The following NOTCH1 variants were observed in gnomAD, a reference collection of about 807,000 sequenced individuals.
NOTCH1 encodes neurogenic locus notch homolog protein 1.
Under a neutral mutation model 254.8 loss-of-function variants are expected in NOTCH1, and 37 were observed. The observed-to-expected ratio is 0.15, with a 90% CI of 0.11 to 0.19. NOTCH1 has a LOEUF of 0.19. Ranked by LOEUF, NOTCH1 falls within the 10% of genes least tolerant of loss-of-function variation. The probability of loss-of-function intolerance (pLI) is 1.00; values close to 1 mark genes in which losing one functional copy is unlikely to be tolerated. For missense variants in NOTCH1, 2,972 were observed against 3,708.6 expected, an observed-to-expected ratio of 0.80 and a Z score of 5.16; for synonymous variants, 1,731 against 1,618.1, an observed-to-expected ratio of 1.07 and a Z score of -1.68.
At chr9:136,507,920 C>A in intron 21 of NOTCH1, 35 bp downstream of exon 21, 1 of 1,606,548 alleles carries the variant, frequency 6.2e-7, no homozygotes, top group East Asian at 2.2e-5. Flanking sequence ...AACACTCGTG[C>A]CGGCCACAAC....
In NOTCH1 at chr9:136,502,096, G is replaced by T. The variant is rs758203250; in HGVS notation, c.5385-8C>A. Reference sequence around the variant, plus strand: ...GAAGCGTTCTTCAGGGGCCTGGGGGGTGAGGGGTCGAGAAGTGAGGCTGAG... The same window carrying T: ...GAAGCGTTCTTCAGGGGCCTGGGGGTTGAGGGGTCGAGAAGTGAGGCTGAG... On this transcript the variant is annotated splice_region_variant and splice_polypyrimidine_tract_variant and intron_variant, in intron 28 of 33. Coordinates refer to ENST00000651671, the MANE Select transcript of NOTCH1 (RefSeq NM_017617.5). 6.2e-7 allele frequency: 1 copy of T among 1,612,886 alleles called. No individual in the cohort carries two copies. The highest frequency in any genetic ancestry group is 1.3e-5 in the African/African-American group (1 of 75,036).
chr9:136,516,240 G>A (rs1843270605), intron 9 of NOTCH1, 146 bp from the exon 10 acceptor site: 1 of 656,904 alleles, frequency 1.5e-6, no homozygotes, highest in Non-Finnish European at 2.8e-6. Flanking sequence ...AGCTCTCCCT[G>A]CCTCCCGCTG....
Position 136,545,633 on chromosome 9 carries a change from G to A in NOTCH1, c.61+93C>T. The A allele has an allele frequency of 1.8e-6, 2 of 1,081,184 alleles. No homozygotes were observed. Among genetic ancestry groups the A allele is most frequent in the Non-Finnish European group, 2.5e-6 (2 of 790,548 alleles). The allele number at this position is 1,081,184 out of a possible 1,614,324, so 67.0% of individuals were successfully genotyped here. A position where few individuals can be genotyped will look rare whatever the true frequency, so the allele number is the denominator to read the frequency against. On this transcript the variant is annotated intron_variant, in intron 1 of 33. Coordinates refer to ENST00000651671, the MANE Select transcript of NOTCH1 (RefSeq NM_017617.5). This position sits in a 1 kb window ranked among gnomAD's most constrained non-coding sequence, Gnocchi z 6.8. ...CCCTCTCCATGCTGGCCTCCCCGCC[G>A]CCCGCTCCCAGCCGTGGGGCGCGCG... is the stretch of plus-strand genomic sequence containing the variant.
intron 11 of NOTCH1, 32 bp downstream of exon 11, chr9:136,515,451 G>GT (rs1564197501): frequency 1.2e-6 from 2 of 1,611,210 alleles, no homozygotes; most frequent in South Asian, 2.2e-5. Flanking sequence ...CTGCCCACTG[G>GT]CCCCCCGCCG....
rs775352769 is a variant in NOTCH1 at position 136,513,012 on chromosome 9, A to AC, written c.2467+8dup. On this transcript the variant is annotated intron_variant, in intron 15 of 33. Coordinates refer to ENST00000651671, the MANE Select transcript of NOTCH1 (RefSeq NM_017617.5). The surrounding 1 kb of genome is among the most constrained non-coding windows in gnomAD (Gnocchi z 4.7). The stretch of plus-strand genomic sequence containing the variant: ...GCCCCCTCCAGCACAGGCCCCACCC[A>AC]CCCCTCACCTGTGTAGGGCAGCAGG... 2.4e-6 allele frequency: 1 copy of AC among 422,836 alleles called. No homozygotes were observed. Among genetic ancestry groups the AC allele is most frequent in the Non-Finnish European group, 3.5e-6 (1 of 282,614 alleles). The allele number at this position is 422,836 out of a possible 1,614,324, so 26.2% of individuals were successfully genotyped here.
intron 4 of NOTCH1, among the ~76,000 whole-genome samples, chr9:136,520,643 C>CAGAA (rs1475742982): frequency 6.6e-6 from 1 of 151,806 alleles, no homozygotes; most frequent in Non-Finnish European, 1.5e-5. Flanking sequence ...GGGGCTGAGG[C>CAGAA]AGAAGGATCG....
intron 22 of NOTCH1, 119 bp from the exon 23 acceptor site, chr9:136,507,092 C>G (rs1843100260): frequency 6.7e-7 from 1 of 1,500,580 alleles, no homozygotes; most frequent in East Asian, 2.5e-5. Context: ...TCGGGAGAGG[C>G]AGGTGTCAAG....
Position 136,495,879 on chromosome 9 carries a change from TA to T in NOTCH1, c.*191del. ...GGCCAGATAAAACAGTACATATAAA[TA>T]AAAAGGCAGTGTTTCTGTGTAAAAT... is the stretch of plus-strand genomic sequence containing the variant. On this transcript the variant is annotated 3_prime_UTR_variant, in exon 34 of 34. Transcript: ENST00000651671. 1 of 635,292 alleles carries T rather than the reference TA, an allele frequency of 1.6e-6. No homozygotes were observed. Among genetic ancestry groups the T allele is most frequent in the Non-Finnish European group, 2.6e-6 (1 of 385,524 alleles). 39.4% of individuals were successfully genotyped at this position (635,292 alleles called of 1,614,324 possible). A position where few individuals can be genotyped will look rare whatever the true frequency, so the allele number is the denominator to read the frequency against.
In NOTCH1 at chr9:136,508,145, G is replaced by A. The variant is rs2133346685; in HGVS notation, c.3326-6C>T. ...CAGGCGGGCAACGTCAACACCTGCG[G>A]GGGATGGGGTGGTAGACAGGTGAGG... On this transcript the variant is annotated splice_region_variant and splice_polypyrimidine_tract_variant and intron_variant, in intron 20 of 33. Transcript: ENST00000651671. 1 of 1,608,110 alleles carries A rather than the reference G, an allele frequency of 6.2e-7. No individual in the cohort carries two copies.
chr9:136,526,855 G>A (rs537570328), intron 2 of NOTCH1, among the ~76,000 whole-genome samples: 3 of 152,318 alleles, frequency 2.0e-5, no homozygotes, highest in Non-Finnish European at 4.4e-5. Context: ...CAGACGTGGC[G>A]GCAGCTGCTC....
At chr9:136,507,069 G>A in intron 22 of NOTCH1, 96 bp from the exon 23 acceptor site, 2 of 1,534,434 alleles carry the variant, frequency 1.3e-6, no homozygotes, top group Non-Finnish European at 1.8e-6. Context: ...CAGGTCTGGG[G>A]CTGCACGGAC....
intron 2 of NOTCH1, among the ~76,000 whole-genome samples, chr9:136,537,843 A>G (rs549128557): frequency 6.6e-6 from 1 of 152,318 alleles, no homozygotes; most frequent in East Asian, 1.9e-4. Flanking sequence ...CTGTAATCCC[A>G]GCACTTTGAG....
At chr9:136,507,863 C>T in intron 21 of NOTCH1, 92 bp downstream of exon 21, 1 of 1,333,380 alleles carries the variant, frequency 7.5e-7, no homozygotes. Context: ...CTATCAGGTT[C>T]AGTTTTCTCC....
At chr9:136,508,170 G>T in intron 20 of NOTCH1, 31 bp from the exon 21 acceptor site, 1 of 1,608,322 alleles carries the variant, frequency 6.2e-7, no homozygotes. Context: ...GACAGGTGAG[G>T]CCCAGGCCCA....
At chr9:136,524,792 C>G (rs1267567630) in intron 2 of NOTCH1, among the ~76,000 whole-genome samples, 1 of 152,074 alleles carries the variant, frequency 6.6e-6, no homozygotes, top group Non-Finnish European at 1.5e-5. Context: ...CACCTGACAC[C>G]ATGCCCAGCT....
chr9:136,523,152 T>A lies in NOTCH1; in HGVS notation c.440A>T (p.Asn147Ile), dbSNP rs777683524. The change falls in exon 4 of 34, where the codon AAC (asparagine) becomes ATC (isoleucine). Residue 147 changes from asparagine to isoleucine, a missense_variant. Transcript: ENST00000651671. ...SCQQADPCAS[N>I]PCANGGQCLP... ...GCACTGGCCACCGTTGGCGCAGGGG[T>A]TGGAGGCGCACGGGTCAGCCTGCTG... 2 of 1,605,652 alleles carry A rather than the reference T, an allele frequency of 1.2e-6. No individual in the cohort carries two copies. Among genetic ancestry groups the A allele is most frequent in the East Asian group, 4.5e-5 (2 of 44,576 alleles).
chr9:136,529,227 G>T (rs1371574928), intron 2 of NOTCH1, among the ~76,000 whole-genome samples: 1 of 152,232 alleles, frequency 6.6e-6, no homozygotes, highest in African/African-American at 2.4e-5. Context: ...TGGCTGGGGG[G>T]ACACTGTGAC....
At chr9:136,541,461 T>G (rs1427234154) in intron 2 of NOTCH1, among the ~76,000 whole-genome samples, 1 of 152,170 alleles carries the variant, frequency 6.6e-6, no homozygotes, top group African/African-American at 2.4e-5. Context: ...GGGTCACAGC[T>G]GGATACCACG....
chr9:136,545,790 T>C lies in NOTCH1; in HGVS notation c.-4A>G, dbSNP rs2133408694. 1.5e-6 allele frequency: 2 copies of C among 1,324,612 alleles called. No individual in the cohort carries two copies. Among genetic ancestry groups the C allele is most frequent in the Non-Finnish European group, 1.9e-6 (2 of 1,036,496 alleles). The allele number at this position is 1,324,612 out of a possible 1,614,324, so 82.1% of individuals were successfully genotyped here. A position where few individuals can be genotyped will look rare whatever the true frequency, so the allele number is the denominator to read the frequency against. The stretch of plus-strand genomic sequence containing the variant: ...GGGGCGCCAGGAGCGGCGGCATGCC[T>C]CCCCACCGGCTGCCCTCTGCGCCCG... On this transcript the variant is annotated 5_prime_UTR_variant, in exon 1 of 34. Transcript: ENST00000651671. This position sits in a 1 kb window ranked among gnomAD's most constrained non-coding sequence, Gnocchi z 6.8.
Sources: gnomAD v4.1 joint callset for allele counts (sites outside exome capture counted in the v4.1 genomes callset) on GRCh38, gnomAD v4.1.1 for gene constraint, Gnocchi (gnomAD v3.1) non-coding constraint, MANE v1.5 for transcripts, NCBI Gene and HGNC (gene_info 2026-07-23, HGNC 2026-07-21) for gene names.